RARB: variants seen among roughly 807,000 people sequenced by gnomAD.
The protein encoded by RARB is retinoic acid receptor beta.
RARB carries 17 observed loss-of-function variants against 51.9 expected under a neutral mutation model. That is an observed-to-expected ratio of 0.33 (90% CI 0.22 to 0.49). RARB has a LOEUF of 0.49. Ranked by LOEUF, RARB falls within the 20% of genes least tolerant of loss-of-function variation. The pLI, the probability that RARB is intolerant of heterozygous loss-of-function variation, is 0.99. For missense variants in RARB, 369 were observed against 550.8 expected (o/e 0.67, Z 3.30); for synonymous variants, 215 against 195.4 (o/e 1.10, Z -0.84).
chr3:25,140,332 C>T (rs1700090026), intron 4 of RARB, among the ~76,000 whole-genome samples: 1 of 152,274 alleles, frequency 6.6e-6, no homozygotes, highest in Non-Finnish European at 1.5e-5. Flanking sequence ...AAAATACCCA[C>T]ATTTTGGCAG....
At chr3:25,085,755 T>G (rs951085374) in intron 3 of RARB, among the ~76,000 whole-genome samples, 6 of 152,176 alleles carry the variant, frequency 3.9e-5, no homozygotes, top group Non-Finnish European at 7.3e-5. Context: ...TTGCTCAGAC[T>G]TGTGTCAAAT....
chr3:25,296,289 T>C (rs1260091714), intron 5 of RARB, among the ~76,000 whole-genome samples: 1 of 152,170 alleles, frequency 6.6e-6, no homozygotes, highest in East Asian at 1.9e-4. Context: ...AAAGGCTTTT[T>C]TTTCCCCCAA....
intron 1 of RARB, among the ~76,000 whole-genome samples, chr3:25,429,382 A>T (rs145485983): frequency 2.6e-5 from 4 of 152,188 alleles, no homozygotes; most frequent in African/African-American, 9.7e-5. Flanking sequence ...AAAGGAATTT[A>T]GTTTAATTAA....
At chr3:25,166,156 C>T (rs1444653557) in intron 4 of RARB, among the ~76,000 whole-genome samples, 14 of 151,934 alleles carry the variant, frequency 9.2e-5, no homozygotes, top group Admixed American at 9.2e-4. Context: ...GTAAGAAATG[C>T]CTCTTTTTGG....
chr3:24,935,517 A>G (rs976883151), intron 2 of RARB, among the ~76,000 whole-genome samples: 8 of 152,170 alleles, frequency 5.3e-5, no homozygotes, highest in African/African-American at 1.9e-4. Context: ...ATTTCACAGC[A>G]GAAGTGGGCT....
At chr3:24,946,358 G>A (rs528117581) in intron 2 of RARB, among the ~76,000 whole-genome samples, 4 of 105,412 alleles carry the variant, frequency 3.8e-5, no homozygotes, top group East Asian at 4.0e-4. Context: ...TTTGAAACCC[G>A]AGCCAGTTCA....
intron 2 of RARB, among the ~76,000 whole-genome samples, chr3:25,022,504 A>G (rs982963833): frequency 2.6e-5 from 4 of 152,186 alleles, no homozygotes; most frequent in Non-Finnish European, 4.4e-5. Context: ...CTAATTTTAA[A>G]AACTCTGGTC....
At chr3:25,338,544 C>T (rs1184638413) in intron 5 of RARB, among the ~76,000 whole-genome samples, 2 of 152,146 alleles carry the variant, frequency 1.3e-5, no homozygotes, top group Non-Finnish European at 2.9e-5. Flanking sequence ...GTTACTTTGA[C>T]ATCTAGCCAA....
At chr3:25,509,603 G>A (rs1052814873) in intron 3 of RARB, among the ~76,000 whole-genome samples, 1 of 152,190 alleles carries the variant, frequency 6.6e-6, no homozygotes, top group Non-Finnish European at 1.5e-5. Flanking sequence ...TAAACCGGGA[G>A]CCAGGTGGCT....
chr3:24,985,997 G>A (rs1427880751), intron 2 of RARB, among the ~76,000 whole-genome samples: 1 of 152,202 alleles, frequency 6.6e-6, no homozygotes, highest in Non-Finnish European at 1.5e-5. Flanking sequence ...ATATTTATGG[G>A]ATTAAATATG....
At chr3:24,961,259 C>T (rs1234175058) in intron 2 of RARB, among the ~76,000 whole-genome samples, 3 of 152,024 alleles carry the variant, frequency 2.0e-5, no homozygotes, top group Admixed American at 6.6e-5. Context: ...TGCCAGGTAC[C>T]CTGCTAGAAT....
intron 1 of RARB, among the ~76,000 whole-genome samples, chr3:24,840,742 T>TAA (rs55771334): frequency 1.7e-4 from 12 of 70,354 alleles, no homozygotes; most frequent in East Asian, 3.9e-4. Context: ...TGAGTAAGAG[T>TAA]AAAAAAAAAA....
intron 3 of RARB, among the ~76,000 whole-genome samples, chr3:25,065,231 C>T (rs1698638324): frequency 6.6e-6 from 1 of 151,696 alleles, no homozygotes; most frequent in African/African-American, 2.4e-5. Context: ...TGAGATTCTC[C>T]TGTTTTGTGT....
At chr3:25,373,343 G>C (rs931154510) in intron 5 of RARB, among the ~76,000 whole-genome samples, 7 of 152,132 alleles carry the variant, frequency 4.6e-5, no homozygotes, top group Non-Finnish European at 8.8e-5. Context: ...GCCAAGCTAA[G>C]CTGGATGAGA....
chr3:25,061,323 A>G lies in RARB; in HGVS notation c.-328+1147A>G, dbSNP rs566902569. On this transcript the variant is annotated intron_variant, in intron 3 of 11. Coordinates refer to the RARB transcript ENST00000383772. Reference sequence around the variant, plus strand: ...ATATCAAAGTGTACTGGGAAGAAATAAGGAATTGATGTGATGCTGCTTAAC... The same window carrying G: ...ATATCAAAGTGTACTGGGAAGAAATGAGGAATTGATGTGATGCTGCTTAAC... Among the ~76,000 whole-genome samples, 6 of 152,018 alleles carry G rather than the reference A, an allele frequency of 3.9e-5. 1 individual carries two copies. The highest frequency in any genetic ancestry group is 1.4e-4 in the African/African-American group (6 of 41,544).
chr3:25,578,531 C>G (rs1311574814), intron 4 of RARB, among the ~76,000 whole-genome samples: 1 of 152,346 alleles, frequency 6.6e-6, no homozygotes, highest in South Asian at 2.1e-4. Context: ...ATAAGCTTGA[C>G]TCTCCGTCCC....
At chr3:25,187,304 A>T (rs1339843327) in intron 5 of RARB, among the ~76,000 whole-genome samples, 2 of 152,062 alleles carry the variant, frequency 1.3e-5, no homozygotes, top group Admixed American at 1.3e-4. Context: ...TAAGAATGCT[A>T]TATATTATTT....
At chr3:25,469,169 G>A (rs1217314484) in intron 2 of RARB, among the ~76,000 whole-genome samples, 1 of 152,224 alleles carries the variant, frequency 6.6e-6, no homozygotes, top group African/African-American at 2.4e-5. Context: ...CGGCTGCTGG[G>A]CTGGGTTTTC....
chr3:25,007,605 C>CAAAAAAAAAAA (rs1279154112), intron 2 of RARB, among the ~76,000 whole-genome samples: 1 of 60,640 alleles, frequency 1.6e-5, no homozygotes, highest in African/African-American at 5.8e-5. Flanking sequence ...AAAAAAAAAA[C>CAAAAAAAAAAA]AAAAAAACCT....
Sources: gnomAD v4.1 joint callset for allele counts (sites outside exome capture counted in the v4.1 genomes callset) on GRCh38, gnomAD v4.1.1 for gene constraint, MANE v1.5 for transcripts, NCBI Gene and HGNC (gene_info 2026-07-23, HGNC 2026-07-21) for gene names.